The following TOP2A variants were observed in gnomAD, a reference collection of about 807,000 sequenced individuals.
TOP2A encodes the protein DNA topoisomerase II alpha.
A neutral mutation model predicts 187.2 loss-of-function variants in TOP2A; 68 were observed. That is an observed-to-expected ratio of 0.36 (90% CI 0.30 to 0.44). TOP2A has a LOEUF of 0.44. Among genes scored for constraint, TOP2A ranks in the 20% least tolerant of loss-of-function variants. The pLI, the probability that TOP2A is intolerant of heterozygous loss-of-function variation, is 1.00. For missense variants in TOP2A, 1,196 were observed against 1,808.7 expected (o/e 0.66, Z 6.14); for synonymous variants, 542 against 593.2 (o/e 0.91, Z 1.25).
Position 40,388,776 on chromosome 17 carries a change from T to G in TOP2A, c.*743A>C. On this transcript the variant is annotated 3_prime_UTR_variant, in exon 35 of 35. Coordinates refer to ENST00000423485, the MANE Select transcript of TOP2A (RefSeq NM_001067.4). ...TGGATCAAATGTTGTCCCCGAGTCTTCTGCAATCCAGTCCTCTTAGAAATT... is the reference window on the plus strand; with the variant it reads ...TGGATCAAATGTTGTCCCCGAGTCTGCTGCAATCCAGTCCTCTTAGAAATT... 1 of 194,394 alleles carries G rather than the reference T, an allele frequency of 5.1e-6. No individual in the cohort carries two copies. Among genetic ancestry groups the G allele is most frequent in the Non-Finnish European group, 1.1e-5 (1 of 93,336 alleles). 12.0% of individuals were successfully genotyped at this position (194,394 alleles called of 1,614,324 possible).
chr17:40,403,062 GAA>G lies in TOP2A; in HGVS notation c.2284-10_2284-9del, dbSNP rs35730982. The G allele has an allele frequency of 6.3e-7, 1 of 1,584,004 alleles. No homozygotes were observed. The highest frequency in any genetic ancestry group is 1.3e-5 in the African/African-American group (1 of 74,182). On this transcript the variant is annotated splice_polypyrimidine_tract_variant and intron_variant, in intron 19 of 34. Transcript: ENST00000423485. The stretch of plus-strand genomic sequence containing the variant: ...GGTCATCATTAGTGACATCTGTGGG[GAA>G]AAAAAGATTCATTAAGCTGAGGCTT...
chr17:40,396,258 G>T, intron 28 of TOP2A, 25 bp downstream of exon 28: 1 of 1,337,724 alleles, frequency 7.5e-7, no homozygotes, highest in Non-Finnish European at 1.0e-6. Flanking sequence ...GGGATTATAG[G>T]TGTGAGCCAC....
At position 40,407,530 on chromosome 17, in the gene TOP2A, A is replaced by C; in HGVS notation, c.1626+19T>G. The C allele has an allele frequency of 6.5e-7, 1 of 1,534,486 alleles. No homozygotes were observed. On this transcript the variant is annotated intron_variant, in intron 13 of 34. Transcript: ENST00000423485. The stretch of plus-strand genomic sequence containing the variant: ...CTTAATTTAGTTGAACAATCTAAAA[A>C]TTTAATAACAAATCTGACCTGATCT...
At chr17:40,414,854 C>CAA (rs531134947) in intron 4 of TOP2A, among the ~76,000 whole-genome samples, 15 of 47,606 alleles carry the variant, frequency 3.2e-4, no homozygotes, top group Admixed American at 9.1e-4. Context: ...AAAACTCCAT[C>CAA]AAAAAAAAAA....
At position 40,407,620 on chromosome 17, in the gene TOP2A, T is replaced by A. The variant is rs1434551736; in HGVS notation, c.1555A>T (p.Lys519Ter). 1.6e-5 allele frequency: 25 copies of A among 1,597,546 alleles called. No homozygotes were observed. The highest frequency in any genetic ancestry group is 2.1e-5 in the Non-Finnish European group (25 of 1,174,528). The change falls in exon 13 of 35, where the codon AAG becomes TAG. Residue 519 changes from lysine to a stop codon, truncating the protein, a stop_gained. Transcript: ENST00000423485. LOFTEE classifies it high-confidence loss of function. ...GAATCTTCATCTTCATAGTTTTTCT[T>A]GTACTGAAGACCCACAATCTTGATG... ...NIIKIVGLQY[K>*]KNYEDEDSLK...
chr17:40,392,334 T>G lies in TOP2A; in HGVS notation c.3972A>C (p.Thr1324=), dbSNP rs34270904. 39,619 of 1,585,764 alleles carry G rather than the reference T, an allele frequency of 0.025. 662 individuals carry two copies. The highest frequency in any genetic ancestry group is 0.077 in the African/African-American group (5,712 of 74,368). The change falls in exon 31 of 35, where the codon ACA becomes ACC. Residue 1324 remains threonine, a synonymous_variant. Transcript: ENST00000423485. ...CTGAATCCAAATCCATTGTGAATTTTGTTTTTGCTAGTAAAAAAACCATAT... is the reference window on the plus strand; with the variant it reads ...CTGAATCCAAATCCATTGTGAATTTGGTTTTTGCTAGTAAAAAAACCATAT... The part of the protein sequence containing the change: ...ETEPRRAATK[T]KFTMDLDSDE...
At chr17:40,408,191 A>T (rs758802623) in intron 11 of TOP2A, 67 bp from the exon 12 acceptor site, 12 of 1,254,120 alleles carry the variant, frequency 9.6e-6, no homozygotes, top group Non-Finnish European at 8.8e-6. Flanking sequence ...TAACTTGAAC[A>T]TGCTGTTTAT....
rs755944778 is a variant in TOP2A at position 40,404,405 on chromosome 17, G to A, written c.2133C>T (p.Asn711=). 1.9e-5 allele frequency: 30 copies of A among 1,610,254 alleles called. No homozygotes were observed. The highest frequency in any genetic ancestry group is 5.0e-5 in the Admixed American group (3 of 59,874). ...CCACCATAGAAGGGATAGATCTCTC[G>A]TTATCAGAATTTGAGAACAAGATAA... ...KELILFSNSD[N]ERSIPSMVDG... The change falls in exon 18 of 35, where the codon AAC becomes AAT. Residue 711 remains asparagine (N), a synonymous_variant. Transcript: ENST00000423485.
intron 1 of TOP2A, chr17:40,417,510 C>G: frequency 7.1e-7 from 1 of 1,407,564 alleles, no homozygotes; most frequent in Non-Finnish European, 9.3e-7. Context: ...AACATGGATC[C>G]ACTACGGGAC....
At chr17:40,392,137 C>T (rs777252252) in intron 31 of TOP2A, 26 bp from the exon 32 acceptor site, 26 of 1,609,078 alleles carry the variant, frequency 1.6e-5, no homozygotes, top group Non-Finnish European at 2.2e-5. Flanking sequence ...AAAATCCTGA[C>T]AACCAATTCT....
rs748850219 is a variant in TOP2A at position 40,402,960 on chromosome 17, C to T, written c.2378G>A (p.Arg793Lys). The change falls in exon 20 of 35, where the codon AGG (arginine) becomes AAG (lysine). Residue 793 changes from arginine to lysine, a missense_variant. Around this residue, in one of 10 missense-constraint regions of TOP2A, gnomAD observed 209 missense variants for 376.9 expected, o/e 0.55. Transcript: ENST00000423485. Reference protein sequence around the residue: ...LLQPIGQFGTRLHGGKDSASP... With the variant: ...LLQPIGQFGTKLHGGKDSASP... ...AGCAGAATCCTTGCCACCATGTAGC[C>T]TGGTACCAAACTGACCAATGGGCTG... 93 of 1,608,946 alleles carry T rather than the reference C, an allele frequency of 5.8e-5. No homozygotes were observed. Among genetic ancestry groups the T allele is most frequent in the Non-Finnish European group, 7.9e-5 (93 of 1,177,520 alleles).
At chr17:40,395,677 C>G in intron 28 of TOP2A, 138 bp from the exon 29 acceptor site, 3 of 517,818 alleles carry the variant, frequency 5.8e-6, no homozygotes, top group East Asian at 7.3e-5. Flanking sequence ...GGGCAGATCT[C>G]TTGAGGTCAG....
Position 40,392,334 on chromosome 17 carries a change from T to C in TOP2A, c.3972A>G (p.Thr1324=). Residue 1324 remains threonine, a synonymous_variant, in exon 31 of 35, where the codon ACA becomes ACG. Coordinates refer to ENST00000423485, the MANE Select transcript of TOP2A (RefSeq NM_001067.4). The stretch of plus-strand genomic sequence containing the variant: ...CTGAATCCAAATCCATTGTGAATTT[T>C]GTTTTTGCTAGTAAAAAAACCATAT... The part of the protein sequence containing the change: ...ETEPRRAATK[T]KFTMDLDSDE... The C allele has an allele frequency of 6.3e-7, 1 of 1,585,966 alleles. No homozygotes were observed. The highest frequency in any genetic ancestry group is 8.6e-7 in the Non-Finnish European group (1 of 1,165,132).
Position 40,392,632 on chromosome 17 carries a change from C to T in TOP2A, c.3917G>A (p.Ser1306Asn), listed in dbSNP as rs2143624370. 1 of 1,613,368 alleles carries T rather than the reference C, an allele frequency of 6.2e-7. No homozygotes were observed. ...TTCTCGTGGAGGGACATCAAAATTACTTTCGTCACTGCTCCTATCTGATTC... is the reference window on the plus strand; with the variant it reads ...TTCTCGTGGAGGGACATCAAAATTATTTTCGTCACTGCTCCTATCTGATTC... ...DSESDRSSDE[S>N]NFDVPPRETE... Residue 1306 changes from serine to asparagine, a missense_variant, in exon 30 of 35, where the codon AGT (serine) becomes AAT (asparagine). This residue lies in a region of TOP2A where 374 missense variants were observed against 403.3 expected (regional missense o/e 0.93). Coordinates refer to ENST00000423485, the MANE Select transcript of TOP2A (RefSeq NM_001067.4).
Position 40,405,457 on chromosome 17 carries a change from G to GTTT in TOP2A, c.1954-577_1954-575dup, listed in dbSNP as rs71152667. 3.2e-4 allele frequency among the ~76,000 whole-genome samples: 41 copies of GTTT among 129,668 alleles called. 1 individual carries two copies. The highest frequency in any genetic ancestry group is 5.0e-4 in the South Asian group (2 of 4,038). 85.1% of individuals were successfully genotyped at this position (129,668 alleles called of 152,430 possible). A position where few individuals can be genotyped will look rare whatever the true frequency, so the allele number is the denominator to read the frequency against. ...TGAGCCACTGCGCCCGACCTTTTTT[G>GTTT]TTTTTTTTTTTTTTTGAGACAGAGT... On this transcript the variant is annotated intron_variant, in intron 16 of 34. Transcript: ENST00000423485.
chr17:40,392,849 A>G (rs1020453778), intron 29 of TOP2A, 112 bp from the exon 30 acceptor site: 2 of 896,664 alleles, frequency 2.2e-6, no homozygotes, highest in East Asian at 2.5e-5. Flanking sequence ...TGAGAATACA[A>G]TCGTGAAAAG....
At position 40,388,854 on chromosome 17, in the gene TOP2A, A is replaced by G. The variant is rs1210331085; in HGVS notation, c.*665T>C. The G allele has an allele frequency of 5.0e-6, 1 of 199,500 alleles. No individual in the cohort carries two copies. The highest frequency in any genetic ancestry group is 1.0e-5 in the Non-Finnish European group (1 of 96,602). 12.4% of individuals were successfully genotyped at this position (199,500 alleles called of 1,614,324 possible). On this transcript the variant is annotated 3_prime_UTR_variant, in exon 35 of 35. Transcript: ENST00000423485. Reference sequence around the variant, plus strand: ...CAGAGGCAGCCAGAGGGGACAGGTCAAGAGCTGAAATAATCACATAACTAC... The same window carrying G: ...CAGAGGCAGCCAGAGGGGACAGGTCGAGAGCTGAAATAATCACATAACTAC...
intron 4 of TOP2A, among the ~76,000 whole-genome samples, chr17:40,414,732 T>C (rs2035368961): frequency 6.6e-6 from 1 of 151,668 alleles, no homozygotes; most frequent in South Asian, 2.1e-4. Context: ...GGTGTGCGCC[T>C]GTAATCCCAG....
In TOP2A at chr17:40,407,965, A is replaced by G; in HGVS notation, c.1500+2T>C. 6.2e-7 allele frequency: 1 copy of G among 1,610,426 alleles called. No homozygotes were observed. Among genetic ancestry groups the G allele is most frequent in the South Asian group, 1.1e-5 (1 of 90,660 alleles). ...GATTCTGAAGATCGTCTTATATTCT[A>G]CCTGCTTATGAGAAGCTTCTCGAAC... On this transcript the variant is annotated splice_donor_variant, in intron 12 of 34. Transcript: ENST00000423485. LOFTEE classifies it high-confidence loss of function.
Sources: allele counts gnomAD v4.1 joint callset (sites outside exome capture counted in the v4.1 genomes callset), GRCh38; gene constraint gnomAD v4.1.1; regional missense constraint gnomAD v4.1.1; transcripts MANE v1.5; gene names NCBI Gene and HGNC (gene_info 2026-07-23, HGNC 2026-07-21).